IL1RAPL1: variants seen among roughly 807,000 people sequenced by gnomAD.
IL1RAPL1 encodes interleukin 1 receptor accessory protein like 1.
In IL1RAPL1, 3 loss-of-function variants were observed where a neutral mutation model predicts 48.4. That is an observed-to-expected ratio of 0.06 (90% CI 0.03 to 0.16). The LOEUF (loss-of-function observed/expected upper bound fraction) is 0.16. Among genes scored for constraint, IL1RAPL1 ranks in the 10% least tolerant of loss-of-function variants. The probability of loss-of-function intolerance (pLI) is 1.00; values close to 1 mark genes in which losing one functional copy is unlikely to be tolerated. For synonymous variants in IL1RAPL1, 185 were observed against 187.7 expected (o/e 0.99, Z 0.12); for missense variants, 349 against 530.6 (o/e 0.66, Z 3.36).
rs557765024 is a variant in IL1RAPL1, at chrX:29,449,780, C to CACACACACAGAGAG, written c.703+50473_703+50474insCACACACAGAGAGA. ...ACACACACACACACACACACACACACAGAGAGAGAGAGAGAGAGAATATAA... is the reference window on the plus strand; with the variant it reads ...ACACACACACACACACACACACACACACACACACAGAGAGAGAGAGAGAGAGAGAGAGAATATAA... On this transcript the variant is annotated intron_variant, in intron 5 of 10. Transcript: ENST00000378993. 1.9e-3 allele frequency among the ~76,000 whole-genome samples: 108 copies of CACACACACAGAGAG among 58,224 alleles called. 2 individuals are homozygous for CACACACACAGAGAG. The highest frequency in any genetic ancestry group is 0.014 in the South Asian group (12 of 864). 50.6% of individuals were successfully genotyped at this position (58,224 alleles called of 115,157 possible).
At chrX:28,868,165 A>G (rs982814408) in intron 2 of IL1RAPL1, among the ~76,000 whole-genome samples, 2 of 111,414 alleles carry the variant, frequency 1.8e-5, no homozygotes, top group Non-Finnish European at 3.8e-5. Context: ...GCCTATTTCC[A>G]CGCTCTTGGC....
At chrX:29,186,853 G>A (rs1386064953) in intron 2 of IL1RAPL1, among the ~76,000 whole-genome samples, 1 of 111,349 alleles carries the variant, frequency 9.0e-6, no homozygotes, top group Non-Finnish European at 1.9e-5. Flanking sequence ...GACAAAATCA[G>A]CATTTGAAAT....
At chrX:29,142,091 C>A (rs765518796) in intron 2 of IL1RAPL1, among the ~76,000 whole-genome samples, 2 of 111,577 alleles carry the variant, frequency 1.8e-5, no homozygotes, top group African/African-American at 3.3e-5. Context: ...ATATTTATTC[C>A]ATTTTTCTCT....
At chrX:29,950,349 C>T (rs765999377) in intron 9 of IL1RAPL1, among the ~76,000 whole-genome samples, 1 of 111,824 alleles carries the variant, frequency 8.9e-6, no homozygotes, top group Non-Finnish European at 1.9e-5. Flanking sequence ...AGTATTAGGA[C>T]GATCTATCAT....
intron 2 of IL1RAPL1, among the ~76,000 whole-genome samples, chrX:29,045,788 G>A (rs1453054982): frequency 9.0e-6 from 1 of 111,429 alleles, no homozygotes; most frequent in African/African-American, 3.3e-5. Flanking sequence ...TGTTTAGGTT[G>A]GCTTTTGACA....
intron 9 of IL1RAPL1, among the ~76,000 whole-genome samples, chrX:29,948,686 T>C (rs1933257313): frequency 9.0e-6 from 1 of 110,765 alleles, no homozygotes. Context: ...CACTTAAACA[T>C]ACAAAATCAA....
chrX:28,667,133 T>A, intron 1 of IL1RAPL1, among the ~76,000 whole-genome samples: 1 of 111,798 alleles, frequency 8.9e-6, no homozygotes, highest in East Asian at 2.8e-4. Context: ...TTAAAAAAAA[T>A]TCCAAGCAAG....
At chrX:29,386,866 T>C (rs1325755527) in intron 3 of IL1RAPL1, among the ~76,000 whole-genome samples, 1 of 111,949 alleles carries the variant, frequency 8.9e-6, no homozygotes, top group African/African-American at 3.2e-5. Flanking sequence ...AAATGCTCAG[T>C]AAGTGAGAGT....
At chrX:29,694,692 A>C (rs906028532) in intron 6 of IL1RAPL1, among the ~76,000 whole-genome samples, 3 of 111,059 alleles carry the variant, frequency 2.7e-5, no homozygotes, top group Admixed American at 9.6e-5. Context: ...GGAATGAGGG[A>C]TCTCTCTCAG....
intron 6 of IL1RAPL1, among the ~76,000 whole-genome samples, chrX:29,726,918 T>C (rs569900966): frequency 8.9e-6 from 1 of 112,257 alleles, no homozygotes; most frequent in African/African-American, 3.2e-5. Context: ...GAGGTTAAAC[T>C]GAAACAATGC....
At chrX:29,694,331 A>C (rs1162276935) in intron 6 of IL1RAPL1, among the ~76,000 whole-genome samples, 1 of 112,047 alleles carries the variant, frequency 8.9e-6, no homozygotes, top group Non-Finnish European at 1.9e-5. Flanking sequence ...TTGTTAGAGC[A>C]AGAGATTTCC....
chrX:29,142,069 C>A (rs1236746356), intron 2 of IL1RAPL1, among the ~76,000 whole-genome samples: 1 of 111,533 alleles, frequency 9.0e-6, no homozygotes, highest in Non-Finnish European at 1.9e-5. Flanking sequence ...AAATAGATAA[C>A]CTTTGATTTT....
At chrX:29,040,018 A>G (rs1926812311) in intron 2 of IL1RAPL1, among the ~76,000 whole-genome samples, 1 of 111,826 alleles carries the variant, frequency 8.9e-6, no homozygotes, top group South Asian at 3.7e-4. Context: ...TCTAACAATT[A>G]TCAAATTGAG....
At chrX:28,849,444 C>T (rs922207747) in intron 2 of IL1RAPL1, among the ~76,000 whole-genome samples, 1 of 111,682 alleles carries the variant, frequency 9.0e-6, no homozygotes, top group African/African-American at 3.3e-5. Context: ...GTTCTTCTTC[C>T]TAGAAAATCA....
intron 6 of IL1RAPL1, among the ~76,000 whole-genome samples, chrX:29,761,742 T>C (rs1928758121): frequency 9.0e-6 from 1 of 110,764 alleles, no homozygotes; most frequent in South Asian, 3.8e-4. Context: ...ATTGTCAATT[T>C]TGTATATATC....
intron 3 of IL1RAPL1, among the ~76,000 whole-genome samples, chrX:29,314,934 T>C (rs1039343691): frequency 1.8e-5 from 2 of 112,175 alleles, no homozygotes; most frequent in Non-Finnish European, 3.8e-5. Context: ...CTTGTACTTA[T>C]AGACATGTTA....
At chrX:28,606,500 C>G (rs1466784897) in intron 1 of IL1RAPL1, among the ~76,000 whole-genome samples, 1 of 112,030 alleles carries the variant, frequency 8.9e-6, no homozygotes, top group African/African-American at 3.2e-5. Context: ...TCATGCTCAT[C>G]TAGTAAAGAT....
At chrX:29,491,676 T>G (rs1935160648) in intron 5 of IL1RAPL1, among the ~76,000 whole-genome samples, 1 of 112,249 alleles carries the variant, frequency 8.9e-6, no homozygotes, top group Non-Finnish European at 1.9e-5. Flanking sequence ...AGCATATTCC[T>G]TTTTTTAAGA....
intron 3 of IL1RAPL1, among the ~76,000 whole-genome samples, chrX:29,284,060 A>G (rs753589678): frequency 1.1e-3 from 121 of 112,577 alleles, no homozygotes; most frequent in Non-Finnish European, 1.9e-3. Flanking sequence ...AAATCTATTT[A>G]TTTGGCTTTC....
Sources: allele counts gnomAD v4.1 joint callset (sites outside exome capture counted in the v4.1 genomes callset), GRCh38; gene constraint gnomAD v4.1.1; transcripts MANE v1.5; gene names NCBI Gene and HGNC (gene_info 2026-07-23, HGNC 2026-07-21).